The following DNAH6 variants were observed in gnomAD, a reference collection of about 807,000 sequenced individuals.
DNAH6 encodes axonemal beta dynein heavy chain 6.
A neutral mutation model predicts 491.4 loss-of-function variants in DNAH6; 340 were observed. The ratio of observed to expected loss-of-function variants is 0.69; its 90% CI spans 0.63 to 0.76. The LOEUF is 0.76. Ranked by LOEUF, DNAH6 falls within the 30% of genes least tolerant of loss-of-function variation. The pLI, the probability that DNAH6 is intolerant of heterozygous loss-of-function variation, is 0.00. For missense variants in DNAH6, 4,443 were observed against 4,972.2 expected (o/e 0.89, Z 3.20); for synonymous variants, 1,603 against 1,686.1 (o/e 0.95, Z 1.21).
rs1013622260 is a variant in DNAH6, at chr2:84,523,431, A to AT, written c.226-2126dup. Among the ~76,000 whole-genome samples the AT allele has an allele frequency of 1.2e-3, 186 of 150,424 alleles. 1 individual carries two copies. The highest frequency in any genetic ancestry group is 4.0e-3 in the African/African-American group (166 of 41,000). On this transcript the variant is annotated intron_variant, in intron 2 of 76. Transcript: ENST00000389394. ...ACTCCTGGATTTTTTGATCTTTTCC[A>AT]TTTTTTTTATTTCTCAATATCCTTC...
chr2:84,796,260 A>T (rs762875821), intron 68 of DNAH6, 46 bp from the exon 69 acceptor site: 12 of 1,318,324 alleles, frequency 9.1e-6, no homozygotes, highest in Non-Finnish European at 1.2e-5. Context: ...ATGCCTATCA[A>T]TTTTTTAAAA....
At chr2:84,800,993 A>G (rs1678838507) in intron 70 of DNAH6, among the ~76,000 whole-genome samples, 1 of 150,796 alleles carries the variant, frequency 6.6e-6, no homozygotes, top group African/African-American at 2.4e-5. Context: ...AACTATCGCA[A>G]GAACAAAAAA....
At chr2:84,468,576 A>T in the DNAH6 span, among the ~76,000 whole-genome samples, 2 of 152,232 alleles carry the variant, frequency 1.3e-5, no homozygotes, top group African/African-American at 4.8e-5. Context: ...GAGAAAAGAA[A>T]ATTTAAGACA....
At chr2:84,667,027 G>T (rs1036934429) in intron 37 of DNAH6, among the ~76,000 whole-genome samples, 1 of 152,178 alleles carries the variant, frequency 6.6e-6, no homozygotes, top group African/African-American at 2.4e-5. Context: ...ATGGTGCTGG[G>T]AAAACTGGCT....
chr2:84,504,926 T>G, the DNAH6 span, among the ~76,000 whole-genome samples: 1 of 152,216 alleles, frequency 6.6e-6, no homozygotes, highest in Non-Finnish European at 1.5e-5. Context: ...GGGATTGTAT[T>G]GAATCTGTAC....
At chr2:84,502,482 G>A in the DNAH6 span, among the ~76,000 whole-genome samples, 3 of 152,160 alleles carry the variant, frequency 2.0e-5, no homozygotes, top group Non-Finnish European at 4.4e-5. Context: ...GGAAAAGAAT[G>A]TGCATTCTGT....
At chr2:84,703,615 C>A in intron 50 of DNAH6, 53 bp downstream of exon 50, 1 of 1,388,328 alleles carries the variant, frequency 7.2e-7, no homozygotes, top group Non-Finnish European at 9.5e-7. Flanking sequence ...CAACTGATCA[C>A]TTATATATAA....
At chr2:84,651,911 A>G (rs774320236) in intron 33 of DNAH6, among the ~76,000 whole-genome samples, 5 of 151,220 alleles carry the variant, frequency 3.3e-5, no homozygotes, top group Non-Finnish European at 5.9e-5. Flanking sequence ...AATTCGTTAT[A>G]TATCTTGAGC....
At chr2:84,556,150 T>C (rs1333750088) in intron 10 of DNAH6, among the ~76,000 whole-genome samples, 3 of 152,254 alleles carry the variant, frequency 2.0e-5, no homozygotes, top group African/African-American at 4.8e-5. Context: ...ATTTGTATAT[T>C]AACAGATAGA....
chr2:84,728,022 T>A (rs1698801546), intron 61 of DNAH6, 120 bp downstream of exon 61: 1 of 668,954 alleles, frequency 1.5e-6, no homozygotes, highest in Non-Finnish European at 2.6e-6. Context: ...GGTGGGAGAT[T>A]ACTGAATCAC....
chr2:84,582,774 C>T lies in DNAH6; in HGVS notation c.2230-1225C>T, dbSNP rs559451578. On this transcript the variant is annotated intron_variant, in intron 14 of 76. Coordinates refer to ENST00000389394, the MANE Select transcript of DNAH6 (RefSeq NM_001370.2). The stretch of plus-strand genomic sequence containing the variant: ...CCGGCCAGCAATCTGTTTTAACAAG[C>T]TTTCCAAGGTCATTGCAATGGAAGC... Among the ~76,000 whole-genome samples, 17 of 152,308 alleles carry T rather than the reference C, an allele frequency of 1.1e-4. No homozygotes were observed. The East Asian group carries it at 2.5e-3, about 22-fold the overall frequency.
At chr2:84,765,175 T>TA (rs1181370970) in intron 64 of DNAH6, among the ~76,000 whole-genome samples, 1 of 152,050 alleles carries the variant, frequency 6.6e-6, no homozygotes, top group Non-Finnish European at 1.5e-5. Context: ...CATATTTTTT[T>TA]AAAAAGTGTA....
chr2:84,669,345 G>A lies in DNAH6; in HGVS notation c.6141G>A (p.Leu2047=), dbSNP rs1404900726. ...ATATGGACTTTGACACCAAACGGCT[G>A]GATCCCTGGGAACGAATCATACCTA... ...SIHMDFDTKR[L]DPWERIIPTF... is the part of the protein sequence containing the mutation. The change falls in exon 38 of 77, where the codon CTG becomes CTA. Residue 2047 remains leucine, a synonymous_variant. Coordinates refer to ENST00000389394, the MANE Select transcript of DNAH6 (RefSeq NM_001370.2). 2 of 1,551,712 alleles carry A rather than the reference G, an allele frequency of 1.3e-6. No homozygotes were observed. The highest frequency in any genetic ancestry group is 3.9e-5 in the Admixed American group (2 of 50,994).
At chr2:84,488,660 TTACA>T in the DNAH6 span, among the ~76,000 whole-genome samples, 16 of 152,306 alleles carry the variant, frequency 1.1e-4, no homozygotes, top group East Asian at 3.1e-3. Flanking sequence ...ACCCTTATGA[TTACA>T]TTGGGCCCGC....
chr2:84,693,017 C>A (rs556160608), intron 45 of DNAH6, among the ~76,000 whole-genome samples: 1 of 152,248 alleles, frequency 6.6e-6, no homozygotes, highest in African/African-American at 2.4e-5. Context: ...TCCTAGGAAA[C>A]ATTTAGTGTT....
intron 54 of DNAH6, 90 bp from the exon 55 acceptor site, chr2:84,709,253 C>T: frequency 7.5e-7 from 1 of 1,337,158 alleles, no homozygotes; most frequent in Non-Finnish European, 1.0e-6. Flanking sequence ...TCTTCAGCCA[C>T]TGACTTACCA....
At chr2:84,461,382 G>A in the DNAH6 span, among the ~76,000 whole-genome samples, 1 of 152,246 alleles carries the variant, frequency 6.6e-6, no homozygotes, top group African/African-American at 2.4e-5. Flanking sequence ...ACAAAAAATA[G>A]CAGCCCAACC....
chr2:84,816,416 A>G (rs1250999530), intron 76 of DNAH6, among the ~76,000 whole-genome samples: 1 of 152,178 alleles, frequency 6.6e-6, no homozygotes, highest in Non-Finnish European at 1.5e-5. Flanking sequence ...TACTCATCAT[A>G]AAAGAAATTT....
At chr2:84,680,575 C>G (rs1387021267) in intron 41 of DNAH6, among the ~76,000 whole-genome samples, 3 of 151,524 alleles carry the variant, frequency 2.0e-5, no homozygotes, top group Non-Finnish European at 2.9e-5. Context: ...AGTGCAGGGG[C>G]CTGAGGTGGG....
Sources: gnomAD v4.1 joint callset for allele counts (sites outside exome capture counted in the v4.1 genomes callset) on GRCh38, gnomAD v4.1.1 for gene constraint, MANE v1.5 for transcripts, NCBI Gene and HGNC (gene_info 2026-07-23, HGNC 2026-07-21) for gene names.